Variants in EDA2R observed in about 807,000 individuals in gnomAD.
EDA2R encodes ectodysplasin A2 receptor.
EDA2R carries 26 observed loss-of-function variants against 20.1 expected under a neutral mutation model. The observed-to-expected ratio is 1.30, with a 90% confidence interval of 0.95 to 1.80. The LOEUF (loss-of-function observed/expected upper bound fraction) is 1.80. Among genes scored for constraint, EDA2R ranks in the 40% most tolerant of loss-of-function variants. EDA2R has a pLI of 0.00. For synonymous variants in EDA2R, 114 were observed against 88.7 expected (o/e 1.29, Z -1.60); for missense variants, 277 against 228.7 (o/e 1.21, Z -1.36).
At chrX:66,601,505 A>G (rs1928595046) in intron 5 of EDA2R, among the ~76,000 whole-genome samples, 1 of 111,630 alleles carries the variant, frequency 9.0e-6, no homozygotes, top group Non-Finnish European at 1.9e-5. Flanking sequence ...GGCACAACCA[A>G]ACATACCTCT....
chrX:66,625,980 AGGGAACACCCCAT>A (rs1318781115), intron 1 of EDA2R, among the ~76,000 whole-genome samples: 1 of 111,708 alleles, frequency 9.0e-6, no homozygotes, highest in Non-Finnish European at 1.9e-5. Context: ...TACTACATCA[AGGGAACACCCCAT>A]GGGACAAAAG....
At chrX:66,622,299 T>A (rs1217975151) in intron 1 of EDA2R, among the ~76,000 whole-genome samples, 1 of 111,569 alleles carries the variant, frequency 9.0e-6, no homozygotes, top group Non-Finnish European at 1.9e-5. Flanking sequence ...AATTAGCTCA[T>A]CATGCCCTGA....
intron 2 of EDA2R, among the ~76,000 whole-genome samples, chrX:66,606,618 T>C (rs1044994596): frequency 8.9e-6 from 1 of 112,018 alleles, no homozygotes; most frequent in African/African-American, 3.3e-5. Flanking sequence ...ACATCAACCA[T>C]GTAAATGTTA....
intron 2 of EDA2R, among the ~76,000 whole-genome samples, chrX:66,615,638 C>T (rs1010909284): frequency 2.4e-4 from 27 of 111,425 alleles, no homozygotes; most frequent in Non-Finnish European, 1.9e-4. Context: ...GTGGTTGGGC[C>T]TTGCTTTAGA....
At chrX:66,636,785 G>A (rs1319979033) in intron 1 of EDA2R, among the ~76,000 whole-genome samples, 2 of 111,272 alleles carry the variant, frequency 1.8e-5, no homozygotes, top group Non-Finnish European at 3.8e-5. Flanking sequence ...CATGATGTGA[G>A]TACTGTTATC....
intron 1 of EDA2R, among the ~76,000 whole-genome samples, chrX:66,635,265 T>C (rs1037821101): frequency 1.8e-5 from 2 of 112,094 alleles, no homozygotes; most frequent in Non-Finnish European, 3.8e-5. Context: ...ATATATACAG[T>C]AAACTCTAAT....
Position 66,597,833 on chromosome X carries a change from T to C in EDA2R, c.*271A>G, listed in dbSNP as rs1393865102. The C allele has an allele frequency of 5.1e-5, 9 of 176,917 alleles. No individual in the cohort carries two copies. The highest frequency in any genetic ancestry group is 9.4e-5 in the Non-Finnish European group (9 of 95,532). The allele number at this position is 176,917 out of a possible 1,213,427, so 14.6% of individuals were successfully genotyped here. The stretch of plus-strand genomic sequence containing the variant: ...CTGTCCTCTCTCCTCTTCTCTATAA[T>C]CAAGTTGAGCTAGGAACATGTCTGG... On this transcript the variant is annotated 3_prime_UTR_variant, in exon 7 of 7. Coordinates refer to ENST00000374719, the MANE Select transcript of EDA2R (RefSeq NM_021783.5).
At position 66,596,059 on chromosome X, in the gene EDA2R, C is replaced by T. The variant is rs1335869627; in HGVS notation, c.*2045G>A. 4 of 109,727 alleles carry T rather than the reference C, an allele frequency of 3.6e-5. No individual in the cohort carries two copies. The highest frequency in any genetic ancestry group is 1.3e-4 in the African/African-American group (4 of 29,950). 9.0% of individuals were successfully genotyped at this position (109,727 alleles called of 1,213,427 possible). On this transcript the variant is annotated 3_prime_UTR_variant, in exon 7 of 7. Coordinates refer to ENST00000374719, the MANE Select transcript of EDA2R (RefSeq NM_021783.5). ...AAAAAAAATTCATTCTCAGGAAATA[C>T]CTCCCCTTCCTTACAAACAAAAACT... is the stretch of plus-strand genomic sequence containing the variant.
intron 1 of EDA2R, among the ~76,000 whole-genome samples, chrX:66,629,723 C>G (rs749222327): frequency 8.9e-6 from 1 of 111,810 alleles, no homozygotes; most frequent in African/African-American, 3.3e-5. Context: ...ATCCCATGCT[C>G]ATGGATGGGT....
At chrX:66,629,721 C>T (rs1322822375) in intron 1 of EDA2R, among the ~76,000 whole-genome samples, 2 of 111,857 alleles carry the variant, frequency 1.8e-5, no homozygotes, top group Admixed American at 9.5e-5. Context: ...ACATCCCATG[C>T]TCATGGATGG....
At chrX:66,633,334 C>A (rs943573221) in intron 1 of EDA2R, among the ~76,000 whole-genome samples, 2 of 111,411 alleles carry the variant, frequency 1.8e-5, no homozygotes, top group African/African-American at 6.5e-5. Context: ...GACTGTGTAG[C>A]CAAGAATACA....
intron 1 of EDA2R, among the ~76,000 whole-genome samples, chrX:66,622,070 T>G (rs1259842357): frequency 3.6e-5 from 4 of 111,692 alleles, no homozygotes; most frequent in Non-Finnish European, 7.5e-5. Flanking sequence ...TCACCCAAAC[T>G]TATCCAAGTA....
In EDA2R at chrX:66,624,841, G is replaced by A. The variant is rs1319169231; in HGVS notation, c.-10-8811C>T. Among the ~76,000 whole-genome samples, 3 of 112,237 alleles carry A rather than the reference G, an allele frequency of 2.7e-5. No individual in the cohort carries two copies. In the Admixed American group the frequency reaches 2.8e-4, roughly 11 times the overall value. ...TACTTTGAGCACTCCAACAGCAGAA[G>A]TGGGAAAGGGAGATCCTCCATTCCT... On this transcript the variant is annotated intron_variant, in intron 1 of 6. Coordinates refer to ENST00000374719, the MANE Select transcript of EDA2R (RefSeq NM_021783.5).
chrX:66,617,409 T>G (rs145099798), intron 1 of EDA2R, among the ~76,000 whole-genome samples: 30 of 112,086 alleles, frequency 2.7e-4, no homozygotes, highest in South Asian at 1.1e-3. Flanking sequence ...TCAGTAGGCA[T>G]GCTTCCCTCC....
At chrX:66,611,597 C>A (rs1041538418) in intron 2 of EDA2R, among the ~76,000 whole-genome samples, 3 of 110,523 alleles carry the variant, frequency 2.7e-5, no homozygotes, top group Non-Finnish European at 5.7e-5. Flanking sequence ...ATGATAGAAT[C>A]AGTGAACTTG....
chrX:66,631,355 T>G (rs187536245), intron 1 of EDA2R, among the ~76,000 whole-genome samples: 1 of 111,043 alleles, frequency 9.0e-6, no homozygotes, highest in African/African-American at 3.3e-5. Context: ...CAATAACCTA[T>G]GGAATTTTTT....
intron 2 of EDA2R, among the ~76,000 whole-genome samples, chrX:66,613,476 C>A (rs1460759992): frequency 9.0e-6 from 1 of 110,901 alleles, no homozygotes; most frequent in Non-Finnish European, 1.9e-5. Flanking sequence ...AAAAGTAAAA[C>A]CAAAATTCTC....
rs1314133561 is a variant in EDA2R at position 66,599,659 on chromosome X, G to T, written c.719C>A (p.Thr240Asn). Residue 240 changes from threonine (T) to asparagine (N), a missense_variant, in exon 6 of 7, where the codon ACC becomes AAC. Transcript: ENST00000374719. ...TQESFTMASCTSESHSHWVHS... is the reference protein window; with the variant it reads ...TQESFTMASCNSESHSHWVHS... ...GACCCAGTGGGAGTGGCTCTCTGAG[G>T]TGCAGGAGGCCATGGTAAAGGACTC... The T allele has an allele frequency of 1.7e-6, 2 of 1,205,738 alleles. No homozygotes were observed. The highest frequency in any genetic ancestry group is 3.5e-5 in the African/African-American group (2 of 56,877).
At chrX:66,634,403 G>A (rs1379958071) in intron 1 of EDA2R, among the ~76,000 whole-genome samples, 1 of 111,169 alleles carries the variant, frequency 9.0e-6, no homozygotes, top group Non-Finnish European at 1.9e-5. Flanking sequence ...TAGTCCCAGT[G>A]GCCTTTTGCC....
Sources: gnomAD v4.1 joint callset for allele counts (sites outside exome capture counted in the v4.1 genomes callset) on GRCh38, gnomAD v4.1.1 for gene constraint, MANE v1.5 for transcripts, NCBI Gene and HGNC (gene_info 2026-07-23, HGNC 2026-07-21) for gene names.